The following TAFA1 variants were observed in gnomAD, a reference collection of about 807,000 sequenced individuals.
TAFA1 encodes chemokine-like protein TAFA-1.
TAFA1 carries 4 observed loss-of-function variants against 18.5 expected under a neutral mutation model. That is an observed-to-expected ratio of 0.22 (90% confidence interval 0.11 to 0.49). The LOEUF is 0.49. Ranked by LOEUF, TAFA1 falls within the 20% of genes least tolerant of loss-of-function variation. TAFA1 has a pLI of 0.98. For missense variants in TAFA1, 147 were observed against 169.0 expected (o/e 0.87, Z 0.72); for synonymous variants, 56 against 55.2 (o/e 1.01, Z -0.06).
At chr3:68,456,907 G>C (rs1005150551) in intron 3 of TAFA1, among the ~76,000 whole-genome samples, 1 of 152,118 alleles carries the variant, frequency 6.6e-6, no homozygotes, top group Admixed American at 6.6e-5. Context: ...AATTTTCTCT[G>C]TTTCCTAGGA....
rs572927354 is a variant in TAFA1, at chr3:68,513,294, G to A, written c.260-25462G>A. 1.9e-4 allele frequency among the ~76,000 whole-genome samples: 29 copies of A among 152,204 alleles called. No individual in the cohort carries two copies. In the South Asian group the frequency reaches 6.0e-3, roughly 32 times the overall value. On this transcript the variant is annotated intron_variant, in intron 3 of 4. Coordinates refer to ENST00000478136, the MANE Select transcript of TAFA1 (RefSeq NM_213609.4). The stretch of plus-strand genomic sequence containing the variant: ...TGCCATGTAGATAGAATGATCTGCT[G>A]TACCAGATCGATCACCACTGTCCAA...
intron 2 of TAFA1, among the ~76,000 whole-genome samples, chr3:68,059,575 G>A (rs1216888076): frequency 6.6e-6 from 1 of 152,176 alleles, no homozygotes; most frequent in Admixed American, 6.5e-5. Context: ...ATGCTGGGTA[G>A]AGAGTGCAGA....
intron 2 of TAFA1, among the ~76,000 whole-genome samples, chr3:68,097,439 G>A (rs1399514457): frequency 6.6e-6 from 1 of 152,080 alleles, no homozygotes; most frequent in Non-Finnish European, 1.5e-5. Context: ...TTGCTGCACG[G>A]CACACCAATA....
intron 3 of TAFA1, among the ~76,000 whole-genome samples, chr3:68,483,624 G>A (rs1328635783): frequency 6.6e-6 from 1 of 152,208 alleles, no homozygotes; most frequent in Non-Finnish European, 1.5e-5. Context: ...AAGAAGGGTA[G>A]ACAGGGAGAT....
At chr3:68,192,720 A>G (rs1231932394) in intron 2 of TAFA1, 1 of 151,810 alleles carries the variant, frequency 6.6e-6, no homozygotes, top group Non-Finnish European at 1.5e-5. Context: ...TTAAAAAATA[A>G]AATAAAATTT....
chr3:68,196,159 T>C (rs1034460175), intron 2 of TAFA1, among the ~76,000 whole-genome samples: 1 of 151,746 alleles, frequency 6.6e-6, no homozygotes, highest in Non-Finnish European at 1.5e-5. Context: ...TTTGCATCTG[T>C]GTATAAGCAG....
At chr3:68,189,004 C>T (rs572547909) in intron 2 of TAFA1, among the ~76,000 whole-genome samples, 1 of 151,710 alleles carries the variant, frequency 6.6e-6, no homozygotes. Flanking sequence ...TCAGACTTTC[C>T]AATTGGTGGT....
chr3:68,246,476 G>GCTACTC (rs1224292578), intron 2 of TAFA1, among the ~76,000 whole-genome samples: 1 of 151,352 alleles, frequency 6.6e-6, no homozygotes, highest in Admixed American at 6.6e-5. Flanking sequence ...TGTAGTCCCA[G>GCTACTC]CTACTCGGAA....
the TAFA1 span, among the ~76,000 whole-genome samples, chr3:67,993,187 A>G: frequency 6.6e-6 from 1 of 152,264 alleles, no homozygotes; most frequent in Non-Finnish European, 1.5e-5. Context: ...TTGATACTTC[A>G]TAGCCAATTT....
intron 2 of TAFA1, 85 bp downstream of exon 2, chr3:68,006,829 G>A: frequency 6.1e-6 from 6 of 980,308 alleles, no homozygotes; most frequent in Admixed American, 3.5e-5. Flanking sequence ...GTGACATAAA[G>A]TGCTATAGTG....
At position 68,208,792 on chromosome 3, in the gene TAFA1, C is replaced by T. The variant is rs183383961; in HGVS notation, c.118+202048C>T. On this transcript the variant is annotated intron_variant, in intron 2 of 4. Coordinates refer to ENST00000478136, the MANE Select transcript of TAFA1 (RefSeq NM_213609.4). ...TGCAGAATTTCCTCCAAGTTGTATG[C>T]TTGGGTGGTAGGCATGGATCTAAGA... Among the ~76,000 whole-genome samples the T allele has an allele frequency of 3.9e-3, 587 of 152,116 alleles. 6 individuals carry two copies. The highest frequency in any genetic ancestry group is 0.037 in the Middle Eastern group (11 of 294).
At chr3:68,013,089 A>G (rs755468976) in intron 2 of TAFA1, among the ~76,000 whole-genome samples, 109 of 152,156 alleles carry the variant, frequency 7.2e-4, no homozygotes, top group Non-Finnish European at 1.3e-3. Context: ...ATGGGCCAAG[A>G]TAATTCTGGA....
chr3:68,140,563 G>A (rs749468961), intron 2 of TAFA1, among the ~76,000 whole-genome samples: 1 of 152,276 alleles, frequency 6.6e-6, no homozygotes, highest in Middle Eastern at 3.4e-3. Flanking sequence ...TGAGTCCTGG[G>A]CTGAACACTT....
At chr3:68,019,433 C>G (rs1243096074) in intron 2 of TAFA1, among the ~76,000 whole-genome samples, 1 of 152,150 alleles carries the variant, frequency 6.6e-6, no homozygotes, top group African/African-American at 2.4e-5. Context: ...TAGACTTGCT[C>G]TTAGTGTAGA....
At chr3:68,337,292 G>C (rs916482609) in intron 2 of TAFA1, among the ~76,000 whole-genome samples, 1 of 152,126 alleles carries the variant, frequency 6.6e-6, no homozygotes, top group Non-Finnish European at 1.5e-5. Flanking sequence ...GGAAGAGAGA[G>C]AATGGGGCAG....
intron 2 of TAFA1, among the ~76,000 whole-genome samples, chr3:68,305,007 T>C (rs986278912): frequency 1.3e-5 from 2 of 152,036 alleles, no homozygotes. Flanking sequence ...TTCCCTAGGA[T>C]GGCCAAAACT....
At chr3:68,091,427 A>T (rs931935613) in intron 2 of TAFA1, among the ~76,000 whole-genome samples, 1 of 152,172 alleles carries the variant, frequency 6.6e-6, no homozygotes, top group East Asian at 1.9e-4. Flanking sequence ...GCTTTAAATC[A>T]TAATATTTAA....
At chr3:68,063,313 C>CT (rs747605162) in intron 2 of TAFA1, among the ~76,000 whole-genome samples, 99 of 152,300 alleles carry the variant, frequency 6.5e-4, no homozygotes, top group Non-Finnish European at 1.2e-3. Context: ...CCTTCTTGAG[C>CT]TAACGGTGGG....
chr3:68,079,261 C>A (rs189218022), intron 2 of TAFA1, among the ~76,000 whole-genome samples: 2,129 of 152,204 alleles, frequency 0.014, 57 homozygotes, highest in African/African-American at 0.048. Context: ...TTCAAAAAAC[C>A]AGCTCCTGGA....
Sources: allele counts gnomAD v4.1 joint callset (sites outside exome capture counted in the v4.1 genomes callset), GRCh38; gene constraint gnomAD v4.1.1; transcripts MANE v1.5; gene names NCBI Gene and HGNC (gene_info 2026-07-23, HGNC 2026-07-21).